Variants in MAML2 observed in about 807,000 individuals in gnomAD.
The protein encoded by MAML2 is mastermind-like protein 2.
MAML2 carries 22 observed loss-of-function variants against 96.1 expected under a neutral mutation model. That is an observed-to-expected ratio of 0.23 (90% CI 0.16 to 0.33). The LOEUF (loss-of-function observed/expected upper bound fraction) is 0.33. Among genes scored for constraint, MAML2 ranks in the 10% least tolerant of loss-of-function variants. The pLI is 1.00. For missense variants in MAML2, 1,367 were observed against 1,392.4 expected, an observed-to-expected ratio of 0.98 and a Z score of 0.29; for synonymous variants, 561 against 521.3, an observed-to-expected ratio of 1.08 and a Z score of -1.04.
Position 96,221,721 on chromosome 11 carries a change from T to C in MAML2, c.513+119662A>G, listed in dbSNP as rs933553953. Among the ~76,000 whole-genome samples, 4 of 143,570 alleles carry C rather than the reference T, an allele frequency of 2.8e-5. No homozygotes were observed. In the East Asian group the frequency reaches 8.4e-4, roughly 30 times the overall value. The allele number at this position is 143,570 out of a possible 152,430, so 94.2% of individuals were successfully genotyped here. ...TTTTTTTTTTTTTTTTACTGTTCTC[T>C]GGACCTGATTTTGCACTTGAAAATT... On this transcript the variant is annotated intron_variant, in intron 1 of 4. Coordinates refer to ENST00000524717, the MANE Select transcript of MAML2 (RefSeq NM_032427.4).
chr11:96,137,672 TGTGA>T (rs1164158711), intron 1 of MAML2, among the ~76,000 whole-genome samples: 1 of 152,198 alleles, frequency 6.6e-6, no homozygotes, highest in Non-Finnish European at 1.5e-5. Flanking sequence ...ACATACACTG[TGTGA>T]GTGTGTCTGA....
chr11:96,011,940 T>C (rs1485334015), intron 2 of MAML2, among the ~76,000 whole-genome samples: 2 of 152,234 alleles, frequency 1.3e-5, no homozygotes, highest in Non-Finnish European at 2.9e-5. Flanking sequence ...TTCTTGAATA[T>C]CTGTGCTTGT....
chr11:96,316,951 T>C (rs1863641070), intron 1 of MAML2, among the ~76,000 whole-genome samples: 1 of 152,220 alleles, frequency 6.6e-6, no homozygotes, highest in Non-Finnish European at 1.5e-5. Flanking sequence ...CCTCCTCTGC[T>C]GTTGGGGCCA....
intron 1 of MAML2, among the ~76,000 whole-genome samples, chr11:96,231,323 G>A (rs1305586332): frequency 6.6e-6 from 1 of 152,140 alleles, no homozygotes; most frequent in Non-Finnish European, 1.5e-5. Flanking sequence ...ATTGATTTCT[G>A]TATTCCTATT....
At chr11:96,304,272 T>C (rs1183292427) in intron 1 of MAML2, among the ~76,000 whole-genome samples, 2 of 152,180 alleles carry the variant, frequency 1.3e-5, no homozygotes, top group East Asian at 3.9e-4. Flanking sequence ...ATCATAGTCA[T>C]GTTTCCAGGA....
At chr11:96,304,526 T>C (rs912863161) in intron 1 of MAML2, among the ~76,000 whole-genome samples, 1 of 152,198 alleles carries the variant, frequency 6.6e-6, no homozygotes, top group Non-Finnish European at 1.5e-5. Flanking sequence ...AGGAGAGAGA[T>C]GGTCCCCCGA....
intron 1 of MAML2, among the ~76,000 whole-genome samples, chr11:96,337,756 C>T (rs561344078): frequency 6.6e-6 from 1 of 152,310 alleles, no homozygotes; most frequent in East Asian, 1.9e-4. Flanking sequence ...CTAGAAGAAC[C>T]AGTATTATCA....
chr11:96,257,724 T>C (rs548175), intron 1 of MAML2, among the ~76,000 whole-genome samples: 21,629 of 152,234 alleles, frequency 0.14, 1,729 homozygotes, highest in Admixed American at 0.21. Context: ...CTATAATATT[T>C]CTTTGCTCAC....
intron 1 of MAML2, among the ~76,000 whole-genome samples, chr11:96,169,498 T>C (rs1217390886): frequency 6.6e-6 from 1 of 152,220 alleles, no homozygotes; most frequent in Non-Finnish European, 1.5e-5. Flanking sequence ...TGAGGTCATC[T>C]GTAGGAAGTA....
At chr11:96,211,595 G>T (rs1861972630) in intron 1 of MAML2, among the ~76,000 whole-genome samples, 1 of 152,124 alleles carries the variant, frequency 6.6e-6, no homozygotes, top group Admixed American at 6.5e-5. Flanking sequence ...GAGAAGGGAA[G>T]ATCAGAGGTA....
chr11:96,007,692 A>G (rs1858206317), intron 2 of MAML2, among the ~76,000 whole-genome samples: 1 of 152,122 alleles, frequency 6.6e-6, no homozygotes. Context: ...TTACTTGAAA[A>G]TCAGATAAAC....
chr11:96,213,845 T>C (rs936808217), intron 1 of MAML2, among the ~76,000 whole-genome samples: 3 of 152,116 alleles, frequency 2.0e-5, no homozygotes, highest in African/African-American at 7.2e-5. Context: ...CAGTAAAGAG[T>C]GCCCTCCCTC....
intron 1 of MAML2, among the ~76,000 whole-genome samples, chr11:96,335,812 T>C (rs1195584084): frequency 6.6e-6 from 1 of 152,134 alleles, no homozygotes; most frequent in Non-Finnish European, 1.5e-5. Context: ...TCCCCCTCAG[T>C]ACTCACGTCC....
intron 1 of MAML2, among the ~76,000 whole-genome samples, chr11:96,161,244 G>C (rs1307683219): frequency 1.3e-5 from 2 of 152,140 alleles, no homozygotes; most frequent in African/African-American, 4.8e-5. Context: ...GGTGGGGAAG[G>C]CAAGGGAATT....
intron 1 of MAML2, among the ~76,000 whole-genome samples, chr11:96,140,059 T>C (rs1286045722): frequency 6.6e-6 from 1 of 152,260 alleles, no homozygotes; most frequent in Non-Finnish European, 1.5e-5. Flanking sequence ...TTATCATTGA[T>C]GATGTTTCAC....
At chr11:96,303,391 C>T (rs559341284) in intron 1 of MAML2, among the ~76,000 whole-genome samples, 18 of 152,260 alleles carry the variant, frequency 1.2e-4, no homozygotes, top group African/African-American at 4.3e-4. Context: ...GGTAATCTTT[C>T]TAGAATTATA....
chr11:96,032,884 G>A (rs1358183509), intron 2 of MAML2, among the ~76,000 whole-genome samples: 3 of 152,176 alleles, frequency 2.0e-5, no homozygotes, highest in Non-Finnish European at 2.9e-5. Flanking sequence ...GAAGGTGGGG[G>A]AAGAGGTTGA....
intron 1 of MAML2, among the ~76,000 whole-genome samples, chr11:96,254,391 C>CT (rs201328694): frequency 0.054 from 7,364 of 136,010 alleles, 207 homozygotes; most frequent in African/African-American, 0.067. Flanking sequence ...TGTTGCAGCT[C>CT]TTTTTTTTTT....
intron 2 of MAML2, among the ~76,000 whole-genome samples, chr11:96,000,188 G>A (rs1858059646): frequency 1.3e-5 from 2 of 152,136 alleles, no homozygotes; most frequent in Non-Finnish European, 2.9e-5. Context: ...ACAATTGTCA[G>A]GAAATCAGCC....
Sources: gnomAD v4.1 joint callset for allele counts (sites outside exome capture counted in the v4.1 genomes callset) on GRCh38, gnomAD v4.1.1 for gene constraint, MANE v1.5 for transcripts, NCBI Gene and HGNC (gene_info 2026-07-23, HGNC 2026-07-21) for gene names.